The following GABRB2 variants were observed in gnomAD, a reference collection of about 807,000 sequenced individuals.
GABRB2 encodes the protein gamma-aminobutyric acid receptor subunit beta-2.
Under a neutral mutation model 54.7 loss-of-function variants are expected in GABRB2, and 16 were observed. The observed-to-expected ratio is 0.29, with a 90% confidence interval of 0.20 to 0.44. GABRB2 has a LOEUF of 0.44. GABRB2 is among the 20% of genes least tolerant of loss of function. GABRB2 has a pLI of 1.00. For missense variants in GABRB2, 355 were observed against 644.0 expected, an observed-to-expected ratio of 0.55 and a Z score of 4.86; for synonymous variants, 244 against 233.8, an observed-to-expected ratio of 1.04 and a Z score of -0.40.
chr5:161,535,246 A>G (rs1561685327), intron 3 of GABRB2, among the ~76,000 whole-genome samples: 1 of 152,294 alleles, frequency 6.6e-6, no homozygotes, highest in South Asian at 2.1e-4. Context: ...AAAATATAAG[A>G]TTATCAAGGA....
intron 3 of GABRB2, among the ~76,000 whole-genome samples, chr5:161,536,965 T>A (rs984310321): frequency 1.3e-5 from 2 of 151,920 alleles, no homozygotes; most frequent in Admixed American, 1.3e-4. Flanking sequence ...CTCAAAAGTG[T>A]AGTCTTCGAC....
intron 9 of GABRB2, among the ~76,000 whole-genome samples, chr5:161,298,737 A>T (rs192950446): frequency 1.3e-5 from 2 of 152,340 alleles, no homozygotes; most frequent in Admixed American, 1.3e-4. Flanking sequence ...TGCTACTTCC[A>T]TATCAGATGC....
At chr5:161,376,135 C>A (rs1355127830) in intron 5 of GABRB2, among the ~76,000 whole-genome samples, 2 of 152,012 alleles carry the variant, frequency 1.3e-5, no homozygotes, top group African/African-American at 4.8e-5. Context: ...CTGAAATAAT[C>A]AAATCTAAAA....
At chr5:161,332,553 C>T (rs994504064) in intron 7 of GABRB2, among the ~76,000 whole-genome samples, 5 of 152,078 alleles carry the variant, frequency 3.3e-5, no homozygotes, top group African/African-American at 9.7e-5. Flanking sequence ...CACTGAAAGT[C>T]CAAGGTCCTG....
chr5:161,362,062 G>A (rs1199553470), intron 5 of GABRB2, among the ~76,000 whole-genome samples: 1 of 152,092 alleles, frequency 6.6e-6, no homozygotes, highest in African/African-American at 2.4e-5. Flanking sequence ...TTTTTGTCAG[G>A]TTTGTCAAAG....
At chr5:161,527,281 GTCAA>G (rs541198318) in intron 3 of GABRB2, among the ~76,000 whole-genome samples, 351 of 151,512 alleles carry the variant, frequency 2.3e-3, no homozygotes, top group South Asian at 8.9e-3. Flanking sequence ...ACAACTATCT[GTCAA>G]TCAATCTACC....
chr5:161,492,939 T>A (rs559790207), intron 3 of GABRB2, among the ~76,000 whole-genome samples: 57 of 151,818 alleles, frequency 3.8e-4, no homozygotes, highest in Non-Finnish European at 6.5e-4. Flanking sequence ...TGACAGATTT[T>A]ATGTTTTTTC....
intron 3 of GABRB2, among the ~76,000 whole-genome samples, chr5:161,531,895 T>C (rs1005328402): frequency 1.3e-5 from 2 of 152,108 alleles, no homozygotes; most frequent in East Asian, 3.9e-4. Flanking sequence ...GAGTCTCCAT[T>C]CTCAACAACG....
chr5:161,485,986 G>A (rs1758912191), intron 3 of GABRB2, among the ~76,000 whole-genome samples: 1 of 151,846 alleles, frequency 6.6e-6, no homozygotes, highest in Admixed American at 6.6e-5. Flanking sequence ...TATTGCTTGA[G>A]CACCTAGTCT....
chr5:161,336,788 A>C lies in GABRB2; in HGVS notation c.542-19T>G. 6.3e-7 allele frequency: 1 copy of C among 1,584,812 alleles called. No homozygotes were observed. The highest frequency in any genetic ancestry group is 8.6e-7 in the Non-Finnish European group (1 of 1,167,604). ...TATCCATCTGTGAAAGGAAACATAC[A>C]CACACACACACACAAATACAGAAAA... is the stretch of plus-strand genomic sequence containing the variant. On this transcript the variant is annotated intron_variant, in intron 5 of 9. Coordinates refer to ENST00000393959, the MANE Select transcript of GABRB2 (RefSeq NM_001371727.1).
At chr5:161,321,815 A>G (rs1019637831) in intron 9 of GABRB2, among the ~76,000 whole-genome samples, 1 of 152,144 alleles carries the variant, frequency 6.6e-6, no homozygotes, top group Non-Finnish European at 1.5e-5. Context: ...TATACTAAGT[A>G]GTTAAATATG....
At chr5:161,547,287 A>G (rs1314147008), upstream of GABRB2, among the ~76,000 whole-genome samples, 48 of 88,104 alleles carry the variant, frequency 5.4e-4, no homozygotes, top group Non-Finnish European at 6.7e-4. Context: ...AACCAATGGG[A>G]GGAATGCTGA....
intron 2 of GABRB2, among the ~76,000 whole-genome samples, chr5:161,545,824 C>T (rs1760967237): frequency 6.6e-6 from 1 of 152,152 alleles, no homozygotes. Context: ...CCAGTCCTCC[C>T]CATTTCTGTG....
At chr5:161,509,206 A>G (rs1167759955) in intron 3 of GABRB2, among the ~76,000 whole-genome samples, 1 of 152,024 alleles carries the variant, frequency 6.6e-6, no homozygotes, top group Non-Finnish European at 1.5e-5. Context: ...ACTGATACAA[A>G]GCATATATTA....
intron 5 of GABRB2, among the ~76,000 whole-genome samples, chr5:161,348,870 T>C (rs1754389884): frequency 6.6e-6 from 1 of 152,116 alleles, no homozygotes; most frequent in Non-Finnish European, 1.5e-5. Flanking sequence ...TTTGATGAAG[T>C]GGAGCTTGTA....
At chr5:161,426,382 G>A (rs1037291682) in intron 4 of GABRB2, among the ~76,000 whole-genome samples, 3 of 152,062 alleles carry the variant, frequency 2.0e-5, no homozygotes, top group Non-Finnish European at 4.4e-5. Flanking sequence ...CTAAAGGGTC[G>A]ACTGGGGGAG....
chr5:161,409,919 T>A (rs1756457725), intron 5 of GABRB2, among the ~76,000 whole-genome samples: 2 of 152,136 alleles, frequency 1.3e-5, no homozygotes, highest in Admixed American at 1.3e-4. Context: ...AAGTATGCAA[T>A]CAGTTTCTTC....
intron 4 of GABRB2, among the ~76,000 whole-genome samples, chr5:161,434,704 A>G (rs1340868066): frequency 1.3e-5 from 2 of 152,142 alleles, no homozygotes; most frequent in Admixed American, 6.6e-5. Flanking sequence ...GCATACACCA[A>G]ACAGATTATT....
intron 9 of GABRB2, among the ~76,000 whole-genome samples, chr5:161,300,570 C>T (rs1227587063): frequency 6.6e-6 from 1 of 152,130 alleles, no homozygotes. Flanking sequence ...TTAAAATCAA[C>T]CAGGGAAACC....
Sources: allele counts gnomAD v4.1 joint callset (sites outside exome capture counted in the v4.1 genomes callset), GRCh38; gene constraint gnomAD v4.1.1; transcripts MANE v1.5; gene names NCBI Gene and HGNC (gene_info 2026-07-23, HGNC 2026-07-21).